Variants in ROBO2 observed in about 807,000 individuals in gnomAD.
ROBO2 encodes the protein roundabout guidance receptor 2, also known as roundabout homolog 2.
In ROBO2, 53 loss-of-function variants were observed where a neutral mutation model predicts 160.8. The ratio of observed to expected loss-of-function variants is 0.33; its 90% CI spans 0.26 to 0.41. ROBO2 has a LOEUF of 0.41. Ranked by LOEUF, ROBO2 falls within the 10% of genes least tolerant of loss-of-function variation. The pLI is 1.00. For synonymous variants in ROBO2, 664 were observed against 611.7 expected (o/e 1.09, Z -1.26); for missense variants, 1,577 against 1,722.4 (o/e 0.92, Z 1.49).
intron 2 of ROBO2, among the ~76,000 whole-genome samples, chr3:75,981,654 G>T (rs2065278760): frequency 6.6e-6 from 1 of 150,960 alleles, no homozygotes; most frequent in Admixed American, 6.6e-5. Flanking sequence ...TACATAGTAG[G>T]TGTGTATATT....
rs541870226 is a variant in ROBO2, at chr3:76,827,044, G to C, written c.110-270970G>C. ...AGCAAATACTACACATTAACTTGTC[G>C]CACATGACAATATACGGTTATGGCT... On this transcript the variant is annotated intron_variant, in intron 2 of 26. Transcript: ENST00000487694. Among the ~76,000 whole-genome samples the C allele has an allele frequency of 3.9e-5, 6 of 152,214 alleles. No individual in the cohort carries two copies. The East Asian group carries it at 1.2e-3, about 29-fold the overall frequency.
chr3:77,192,650 CTTTTTTTT>C (rs71629633), intron 2 of ROBO2, among the ~76,000 whole-genome samples: 1 of 110,038 alleles, frequency 9.1e-6, no homozygotes, highest in African/African-American at 3.9e-5. Flanking sequence ...AACACAATTC[CTTTTTTTT>C]TTTTTTTTTT....
intron 2 of ROBO2, among the ~76,000 whole-genome samples, chr3:76,988,129 A>G (rs1399013119): frequency 6.6e-6 from 1 of 152,200 alleles, no homozygotes; most frequent in African/African-American, 2.4e-5. Flanking sequence ...TTCATCTTAT[A>G]ACCTGTTAGA....
At chr3:76,697,347 A>C (rs2092949281) in intron 2 of ROBO2, among the ~76,000 whole-genome samples, 1 of 152,190 alleles carries the variant, frequency 6.6e-6, no homozygotes, top group Non-Finnish European at 1.5e-5. Flanking sequence ...GAAACCCTCA[A>C]AACATTTACA....
chr3:76,169,732 T>C (rs2072971000), intron 2 of ROBO2, among the ~76,000 whole-genome samples: 1 of 152,166 alleles, frequency 6.6e-6, no homozygotes, highest in Admixed American at 6.5e-5. Context: ...AGTAATCTCC[T>C]AAATAATGAC....
At chr3:76,883,467 C>T (rs989572514) in intron 2 of ROBO2, among the ~76,000 whole-genome samples, 1 of 152,124 alleles carries the variant, frequency 6.6e-6, no homozygotes, top group Non-Finnish European at 1.5e-5. Context: ...TATCTGGGTT[C>T]TTCATTCTAA....
At chr3:77,530,313 T>C (rs2091571024) in intron 6 of ROBO2, among the ~76,000 whole-genome samples, 1 of 152,002 alleles carries the variant, frequency 6.6e-6, no homozygotes, top group Admixed American at 6.6e-5. Flanking sequence ...ACTTAGAGAT[T>C]CAGAAACCCT....
At chr3:76,201,966 G>T (rs1261379095) in intron 2 of ROBO2, among the ~76,000 whole-genome samples, 1 of 150,336 alleles carries the variant, frequency 6.7e-6, no homozygotes, top group Non-Finnish European at 1.5e-5. Context: ...CACTTGTCCT[G>T]CTAATAAAAC....
chr3:77,381,817 G>A (rs1168605057), intron 2 of ROBO2, among the ~76,000 whole-genome samples: 1 of 152,046 alleles, frequency 6.6e-6, no homozygotes, highest in African/African-American at 2.4e-5. Flanking sequence ...ATTTTGTTTT[G>A]CTTTAGGTCT....
At chr3:77,306,504 A>C (rs1221269848) in intron 2 of ROBO2, among the ~76,000 whole-genome samples, 2 of 152,192 alleles carry the variant, frequency 1.3e-5, no homozygotes, top group East Asian at 3.8e-4. Context: ...TTCTATAGTA[A>C]AATCTTAGCT....
At chr3:76,123,673 C>T (rs375606939) in intron 2 of ROBO2, among the ~76,000 whole-genome samples, 14 of 152,208 alleles carry the variant, frequency 9.2e-5, no homozygotes, top group Admixed American at 2.6e-4. Context: ...TGTTGCAAAA[C>T]GAGGATTCAG....
At chr3:77,309,259 G>A (rs949618796) in intron 2 of ROBO2, among the ~76,000 whole-genome samples, 9 of 151,996 alleles carry the variant, frequency 5.9e-5, no homozygotes, top group Non-Finnish European at 7.4e-5. Flanking sequence ...ACATAAATAC[G>A]TAAATACATA....
At chr3:77,439,945 A>C (rs902500757) in intron 2 of ROBO2, among the ~76,000 whole-genome samples, 1 of 152,206 alleles carries the variant, frequency 6.6e-6, no homozygotes, top group Non-Finnish European at 1.5e-5. Flanking sequence ...TCCAGGAGGC[A>C]GTCCAAAAAT....
At chr3:76,579,971 G>A (rs574378139) in intron 2 of ROBO2, among the ~76,000 whole-genome samples, 3 of 152,072 alleles carry the variant, frequency 2.0e-5, no homozygotes, top group Non-Finnish European at 4.4e-5. Context: ...CTGGCAGCAA[G>A]TACTTTGATT....
At chr3:76,794,462 T>C (rs1560573181) in intron 2 of ROBO2, among the ~76,000 whole-genome samples, 1 of 151,974 alleles carries the variant, frequency 6.6e-6, no homozygotes, top group African/African-American at 2.4e-5. Context: ...AGAAGTTCTA[T>C]AAATATAGTA....
chr3:77,111,432 T>A (rs1373502389), intron 2 of ROBO2, among the ~76,000 whole-genome samples: 1 of 152,160 alleles, frequency 6.6e-6, no homozygotes, highest in Non-Finnish European at 1.5e-5. Context: ...TAAAAATGAA[T>A]TTGGAACTGA....
At chr3:76,013,930 T>C (rs562483440) in intron 2 of ROBO2, among the ~76,000 whole-genome samples, 13 of 141,616 alleles carry the variant, frequency 9.2e-5, no homozygotes, top group South Asian at 4.7e-4. Context: ...AGGCAGTTGG[T>C]GACTGGGCAC....
At chr3:77,032,776 T>C (rs888168662) in intron 2 of ROBO2, among the ~76,000 whole-genome samples, 1 of 151,600 alleles carries the variant, frequency 6.6e-6, no homozygotes, top group Non-Finnish European at 1.5e-5. Context: ...TGTTTTCTAT[T>C]TGGCCATCCA....
At chr3:76,324,437 A>G (rs1576432309) in intron 2 of ROBO2, among the ~76,000 whole-genome samples, 1 of 152,328 alleles carries the variant, frequency 6.6e-6, no homozygotes, top group East Asian at 1.9e-4. Flanking sequence ...TCTAAAGGTC[A>G]CTGTAAATGA....
Sources: allele counts gnomAD v4.1 joint callset (sites outside exome capture counted in the v4.1 genomes callset), GRCh38; gene constraint gnomAD v4.1.1; transcripts MANE v1.5; gene names NCBI Gene and HGNC (gene_info 2026-07-23, HGNC 2026-07-21).